MTUS2: variants seen among roughly 807,000 people sequenced by gnomAD.
MTUS2 encodes microtubule associated scaffold protein 2.
MTUS2 carries 40 observed loss-of-function variants against 114.1 expected under a neutral mutation model. That is an observed-to-expected ratio of 0.35 (90% CI 0.27 to 0.46). MTUS2 has a LOEUF of 0.46. MTUS2 is among the 20% of genes least tolerant of loss of function. The pLI is 1.00. For synonymous variants in MTUS2, 688 were observed against 672.0 expected, an observed-to-expected ratio of 1.02 and a Z score of -0.37; for missense variants, 1,679 against 1,705.4, an observed-to-expected ratio of 0.98 and a Z score of 0.27.
intron 2 of MTUS2, among the ~76,000 whole-genome samples, chr13:28,948,380 T>A (rs1566244621): frequency 6.6e-6 from 1 of 152,156 alleles, no homozygotes; most frequent in Non-Finnish European, 1.5e-5. Flanking sequence ...CAGGAGGCAT[T>A]TATTGGTTCT....
At chr13:29,098,334 C>T (rs1364191826) in intron 4 of MTUS2, among the ~76,000 whole-genome samples, 1 of 152,272 alleles carries the variant, frequency 6.6e-6, no homozygotes, top group East Asian at 1.9e-4. Flanking sequence ...GCTTAATCTG[C>T]TAGAAGGAAA....
chr13:29,335,543 A>G (rs553962091), intron 7 of MTUS2, among the ~76,000 whole-genome samples: 3 of 152,294 alleles, frequency 2.0e-5, no homozygotes, highest in East Asian at 1.9e-4. Context: ...AAAATCACTA[A>G]TAAAAACTTG....
chr13:28,911,845 G>GTTTTTTTTTTTTTTTTTTTTTAT (rs202187530), intron 2 of MTUS2, among the ~76,000 whole-genome samples: 1 of 103,834 alleles, frequency 9.6e-6, no homozygotes, highest in African/African-American at 3.8e-5. Flanking sequence ...ACTTTTTAAT[G>GTTTTTTTTTTTTTTTTTTTTTAT]TTTTTTTTTT....
chr13:29,427,666 A>C (rs372834440), intron 8 of MTUS2, among the ~76,000 whole-genome samples: 13 of 152,340 alleles, frequency 8.5e-5, no homozygotes, highest in African/African-American at 3.1e-4. Flanking sequence ...CTCTGAGCCT[A>C]TACTACTTAA....
At chr13:29,452,572 ATATGTGTGTGTGTGTG>A (rs1878775726) in intron 9 of MTUS2, among the ~76,000 whole-genome samples, 1 of 48,740 alleles carries the variant, frequency 2.1e-5, no homozygotes, top group African/African-American at 6.4e-5. Flanking sequence ...ATATATATAT[ATATGTGTGTGTGTGTG>A]TGTGTGTGTG....
intron 2 of MTUS2, among the ~76,000 whole-genome samples, chr13:28,938,892 T>A (rs1420581584): frequency 6.6e-6 from 1 of 152,202 alleles, no homozygotes; most frequent in African/African-American, 2.4e-5. Context: ...CATCGTTTAA[T>A]ACTGTGCTTT....
intron 4 of MTUS2, among the ~76,000 whole-genome samples, chr13:29,034,423 AAG>A (rs1426589885): frequency 6.6e-6 from 1 of 152,222 alleles, no homozygotes; most frequent in African/African-American, 2.4e-5. Context: ...TCAAGGGCCA[AAG>A]AGTAAATATT....
rs1884055147 is a variant in MTUS2, at chr13:28,975,498, C to CGCCCTCCCCTGCGGCAGCATT, written c.-242-48947_-242-48946insGGCAGCATTGCCCTCCCCTGC. Among the ~76,000 whole-genome samples, 9 of 39,398 alleles carry CGCCCTCCCCTGCGGCAGCATT rather than the reference C, an allele frequency of 2.3e-4. No homozygotes were observed. The South Asian group carries it at 4.5e-3, about 20-fold the overall frequency. 25.8% of individuals were successfully genotyped at this position (39,398 alleles called of 152,430 possible). A position where few individuals can be genotyped will look rare whatever the true frequency, so the allele number is the denominator to read the frequency against. On this transcript the variant is annotated intron_variant, in intron 2 of 15. Transcript: ENST00000612955. ...GCATCGCCCTCCCCTGCGGCAGCAT[C>CGCCCTCCCCTGCGGCAGCATT]GCCCTCCCCTGCAGCCCCCTGCCTT...
chr13:29,275,877 G>A (rs928302222), intron 5 of MTUS2, among the ~76,000 whole-genome samples: 3 of 152,126 alleles, frequency 2.0e-5, no homozygotes, highest in East Asian at 1.9e-4. Context: ...TTTCTTTTGG[G>A]TATGTACTTA....
At chr13:29,419,652 A>G (rs532437587) in intron 8 of MTUS2, among the ~76,000 whole-genome samples, 6 of 152,244 alleles carry the variant, frequency 3.9e-5, no homozygotes, top group Admixed American at 1.3e-4. Flanking sequence ...CTGGGGTTCA[A>G]CTTGTGTTGT....
At chr13:29,369,099 A>T (rs1318354558) in intron 8 of MTUS2, among the ~76,000 whole-genome samples, 3 of 150,014 alleles carry the variant, frequency 2.0e-5, no homozygotes, top group Non-Finnish European at 4.5e-5. Context: ...GGTTACAGAT[A>T]CCAGGTACCA....
chr13:29,059,228 A>ATTTTTTTGTT (rs1888291469), intron 4 of MTUS2, among the ~76,000 whole-genome samples: 1 of 97,128 alleles, frequency 1.0e-5, no homozygotes, highest in African/African-American at 4.0e-5. Flanking sequence ...TATTCTTTGG[A>ATTTTTTTGTT]TTTTTTTTTT....
chr13:29,264,074 A>G (rs747283620), intron 5 of MTUS2, among the ~76,000 whole-genome samples: 20 of 152,260 alleles, frequency 1.3e-4, no homozygotes, highest in Non-Finnish European at 2.5e-4. Context: ...TCGACTTCCA[A>G]TATGCAATGG....
chr13:29,370,217 C>T (rs556343039), intron 8 of MTUS2, among the ~76,000 whole-genome samples: 3 of 152,002 alleles, frequency 2.0e-5, no homozygotes, highest in African/African-American at 7.3e-5. Context: ...TTTTAAAAAA[C>T]GTGCTATGGT....
In MTUS2 at chr13:29,024,813, C is replaced by G. The variant is rs754856642; in HGVS notation, c.115C>G (p.Gln39Glu). 6.2e-6 allele frequency: 10 copies of G among 1,613,890 alleles called. No homozygotes were observed. Among genetic ancestry groups the G allele is most frequent in the African/African-American group, 1.3e-5 (1 of 74,916 alleles). ...ILSLGDTNAN[Q>E]IMLEVSSSHD... ...AAGTCTGGGAGATACGAATGCCAAT[C>G]AAATCATGTTGGAGGTCAGCTCCTC... The change falls in exon 3 of 16, where the codon CAA becomes GAA. Residue 39 changes from glutamine (Q) to glutamate (E), a missense_variant. Transcript: ENST00000612955.
At chr13:29,422,355 A>G (rs1876167703) in intron 8 of MTUS2, among the ~76,000 whole-genome samples, 1 of 152,152 alleles carries the variant, frequency 6.6e-6, no homozygotes, top group Non-Finnish European at 1.5e-5. Flanking sequence ...TATCTCACAG[A>G]GTTTTGTGAG....
chr13:29,165,054 G>C (rs1436216047), intron 5 of MTUS2, among the ~76,000 whole-genome samples: 1 of 152,130 alleles, frequency 6.6e-6, no homozygotes, highest in Non-Finnish European at 1.5e-5. Context: ...CCTTAAAATA[G>C]AAACTGCACT....
At chr13:28,827,469 A>G (rs907478773) in intron 1 of MTUS2, among the ~76,000 whole-genome samples, 1 of 152,206 alleles carries the variant, frequency 6.6e-6, no homozygotes, top group Non-Finnish European at 1.5e-5. Context: ...TTTTAGGATT[A>G]TAATTTTGAT....
chr13:29,466,876 C>CAAAAAAAAAAAAAAAA (rs11296600), intron 9 of MTUS2, among the ~76,000 whole-genome samples: 4 of 87,618 alleles, frequency 4.6e-5, no homozygotes, highest in Non-Finnish European at 6.8e-5. Context: ...GACCTCATCT[C>CAAAAAAAAAAAAAAAA]AAAAAAAAAA....
Sources: gnomAD v4.1 joint callset for allele counts (sites outside exome capture counted in the v4.1 genomes callset) on GRCh38, gnomAD v4.1.1 for gene constraint, MANE v1.5 for transcripts, NCBI Gene and HGNC (gene_info 2026-07-23, HGNC 2026-07-21) for gene names.